Variants in CREBBP observed in about 807,000 individuals in gnomAD.
CREBBP encodes CREB-binding protein.
Under a neutral mutation model 265.0 loss-of-function variants are expected in CREBBP, and 19 were observed. The observed-to-expected ratio is 0.07, with a 90% CI of 0.05 to 0.11. The LOEUF is 0.11. Among genes scored for constraint, CREBBP ranks in the 10% least tolerant of loss-of-function variants. The pLI is 1.00. For synonymous variants in CREBBP, 1,457 were observed against 1,223.7 expected (o/e 1.19, Z -3.98); for missense variants, 2,525 against 3,219.0 (o/e 0.78, Z 5.22).
At chr16:3,846,208 GAAC>G (rs2054664815) in intron 2 of CREBBP, among the ~76,000 whole-genome samples, 1 of 152,120 alleles carries the variant, frequency 6.6e-6, no homozygotes, top group South Asian at 2.1e-4. Context: ...CAAAGATTAT[GAAC>G]AATCAGTAAA....
At chr16:3,868,928 CG>C (rs2055235962) in intron 1 of CREBBP, among the ~76,000 whole-genome samples, 1 of 152,142 alleles carries the variant, frequency 6.6e-6, no homozygotes, top group Non-Finnish European at 1.5e-5. Flanking sequence ...GACTGGATCC[CG>C]GGCCGACCAA....
In CREBBP at chr16:3,793,454, G is replaced by A. The variant is rs2053545106; in HGVS notation, c.1148C>T (p.Pro383Leu). The change falls in exon 4 of 31, where the codon CCG (proline) becomes CTG (leucine). Residue 383 changes from proline (P) to leucine (L), a missense_variant. Around this residue, in one of 19 missense-constraint regions of CREBBP, gnomAD observed 126 missense variants for 171.9 expected, o/e 0.73. Coordinates refer to ENST00000262367, the MANE Select transcript of CREBBP (RefSeq NM_004380.3). ...ANGEVRACSL[P>L]HCRTMKNVLN... Reference sequence around the variant, plus strand: ...AACGTTTTTCATGGTTCGACAATGCGGGAGCGAGCAGGCCCGAACCTCTCC... The same window carrying A: ...AACGTTTTTCATGGTTCGACAATGCAGGAGCGAGCAGGCCCGAACCTCTCC... The A allele has an allele frequency of 1.9e-6, 3 of 1,614,088 alleles. No homozygotes were observed. The highest frequency in any genetic ancestry group is 1.1e-5 in the South Asian group (1 of 91,050).
chr16:3,824,101 C>T (rs530609970), intron 2 of CREBBP, among the ~76,000 whole-genome samples: 1 of 152,324 alleles, frequency 6.6e-6, no homozygotes, highest in African/African-American at 2.4e-5. Context: ...AGACACAAGC[C>T]ACAAGGAAAT....
intron 8 of CREBBP, 86 bp downstream of exon 8, chr16:3,780,646 G>C: frequency 1.4e-6 from 2 of 1,434,490 alleles, no homozygotes; most frequent in Non-Finnish European, 1.9e-6. Context: ...GACTTGTATA[G>C]GCTCCTAGGG....
intron 4 of CREBBP, 64 bp downstream of exon 4, chr16:3,793,322 T>TG: frequency 6.2e-7 from 1 of 1,609,762 alleles, no homozygotes; most frequent in Admixed American, 1.7e-5. Context: ...AGAGCTGCTG[T>TG]AAGAACAATA....
chr16:3,851,354 G>A (rs896716512), intron 1 of CREBBP, among the ~76,000 whole-genome samples: 1 of 139,548 alleles, frequency 7.2e-6, no homozygotes, highest in Admixed American at 7.1e-5. Flanking sequence ...TTACAAGTTT[G>A]TTTGGGAAAA....
chr16:3,805,572 C>G (rs1377205379), intron 3 of CREBBP, among the ~76,000 whole-genome samples: 2 of 152,188 alleles, frequency 1.3e-5, no homozygotes. Context: ...CTGGCGTTCA[C>G]GAAGCTTAAC....
intron 16 of CREBBP, among the ~76,000 whole-genome samples, chr16:3,764,965 T>G (rs541385001): frequency 6.9e-6 from 1 of 144,678 alleles, no homozygotes; most frequent in Non-Finnish European, 1.5e-5. Flanking sequence ...GGTTTTTTTT[T>G]TTGTTTTGTT....
At chr16:3,774,491 G>T in intron 12 of CREBBP, 78 bp downstream of exon 12, 1 of 1,585,170 alleles carries the variant, frequency 6.3e-7, no homozygotes, top group Non-Finnish European at 8.7e-7. Flanking sequence ...ATTCTCAAGT[G>T]ACATGAATTC....
In CREBBP at chr16:3,810,615, G is replaced by T; in HGVS notation, c.963C>A (p.Asn321Lys). The change falls in exon 3 of 31, where the codon AAC becomes AAA. Residue 321 changes from asparagine to lysine, a missense_variant. Coordinates refer to ENST00000262367, the MANE Select transcript of CREBBP (RefSeq NM_004380.3). ...AAGGGTAACTTACCATATTTGGCAC[G>T]TTGGTGACTGAAGTATTCTTGATAT... Reference protein sequence around the residue: ...PTDIKNTSVTNVPNMSQMQTS... With the variant: ...PTDIKNTSVTKVPNMSQMQTS... The T allele has an allele frequency of 6.2e-7, 1 of 1,613,726 alleles. No individual in the cohort carries two copies. Among genetic ancestry groups the T allele is most frequent in the Admixed American group, 1.7e-5 (1 of 60,008 alleles).
chr16:3,808,502 C>T (rs377089845), intron 3 of CREBBP, among the ~76,000 whole-genome samples: 1 of 152,240 alleles, frequency 6.6e-6, no homozygotes, highest in African/African-American at 2.4e-5. Context: ...CCAGACCAAA[C>T]GGCTCCAGCC....
At chr16:3,756,253 A>AC (rs928304350) in intron 19 of CREBBP, among the ~76,000 whole-genome samples, 2 of 152,250 alleles carry the variant, frequency 1.3e-5, no homozygotes, top group African/African-American at 4.8e-5. Flanking sequence ...GCCACAGAGA[A>AC]TCCAGCTGCT....
rs533700295 is a variant in CREBBP, at chr16:3,779,701, C to T, written c.1824-884G>A. Among the ~76,000 whole-genome samples the T allele has an allele frequency of 2.7e-4, 41 of 152,154 alleles. 1 individual carries two copies. The highest frequency in any genetic ancestry group is 7.5e-4 in the African/African-American group (31 of 41,496). ...GTGCTGGGTCATTTCCAGAATAACA[C>T]GATTTTCAAATCCCTAATTTTTAAA... is the stretch of plus-strand genomic sequence containing the variant. On this transcript the variant is annotated intron_variant, in intron 8 of 30. Transcript: ENST00000262367.
rs1481513185 is a variant in CREBBP, at chr16:3,725,535, G to A, written c.*2183C>T. ...GAGGACACTGGAGGTTAAGAACCCA[G>A]CAGGCCGAGCAGTGGCAGCAATCTC... is the stretch of plus-strand genomic sequence containing the variant. On this transcript the variant is annotated 3_prime_UTR_variant, in exon 31 of 31. Coordinates refer to ENST00000262367, the MANE Select transcript of CREBBP (RefSeq NM_004380.3). The A allele has an allele frequency of 4.3e-6, 1 of 233,190 alleles. No homozygotes were observed. The highest frequency in any genetic ancestry group is 6.0e-5 in the East Asian group (1 of 16,608). The allele number at this position is 233,190 out of a possible 1,614,324, so 14.4% of individuals were successfully genotyped here.
In CREBBP at chr16:3,780,789, C is replaced by G; in HGVS notation, c.1766G>C (p.Arg589Thr). ...AGTGACATGTTCGTGCCAGCCTTTC[C>G]TTACACCGGTGCTAGAAGGAGGAGC... Reference protein sequence around the residue: ...TAAPPSSTGVRKGWHEHVTQD... With the variant: ...TAAPPSSTGVTKGWHEHVTQD... The change falls in exon 8 of 31, where the codon AGG becomes ACG. Residue 589 changes from arginine (R) to threonine (T), a missense_variant. By Grantham distance (71) the Arg-to-Thr change is moderately conservative. Around this residue, in one of 19 missense-constraint regions of CREBBP, gnomAD observed 144 missense variants for 134.0 expected, o/e 1.07. Transcript: ENST00000262367. The G allele has an allele frequency of 6.2e-7, 1 of 1,614,056 alleles. No homozygotes were observed. Among genetic ancestry groups the G allele is most frequent in the Non-Finnish European group, 8.5e-7 (1 of 1,180,032 alleles).
chr16:3,801,294 A>G (rs1455329266), intron 3 of CREBBP, among the ~76,000 whole-genome samples: 2 of 152,220 alleles, frequency 1.3e-5, no homozygotes, highest in African/African-American at 4.8e-5. Context: ...ATAAATGCCT[A>G]TGTCTCTAAA....
chr16:3,836,486 C>T (rs954234919), intron 2 of CREBBP, among the ~76,000 whole-genome samples: 4 of 149,258 alleles, frequency 2.7e-5, no homozygotes, highest in East Asian at 1.9e-4. Flanking sequence ...CAGTAATTGT[C>T]GGGGGATGAG....
intron 2 of CREBBP, among the ~76,000 whole-genome samples, chr16:3,849,745 A>T (rs1056788369): frequency 6.6e-6 from 1 of 151,450 alleles, no homozygotes; most frequent in Admixed American, 6.6e-5. Context: ...CATTTCTAAC[A>T]AGCTTCTAGG....
chr16:3,768,770 G>A (rs1006395185), intron 15 of CREBBP, among the ~76,000 whole-genome samples: 5 of 152,166 alleles, frequency 3.3e-5, no homozygotes, highest in African/African-American at 1.2e-4. Context: ...GGTATTGTGT[G>A]GGCCAAACAC....
Sources: allele counts gnomAD v4.1 joint callset (sites outside exome capture counted in the v4.1 genomes callset), GRCh38; gene constraint gnomAD v4.1.1; regional missense constraint gnomAD v4.1.1; transcripts MANE v1.5; gene names NCBI Gene and HGNC (gene_info 2026-07-23, HGNC 2026-07-21).